Variants in FAM117B observed in about 807,000 individuals in gnomAD.
FAM117B encodes protein FAM117B.
A neutral mutation model predicts 52.8 loss-of-function variants in FAM117B; 22 were observed. The observed-to-expected ratio is 0.42, with a 90% CI of 0.30 to 0.59. The LOEUF is 0.59. Ranked by LOEUF, FAM117B falls within the 20% of genes least tolerant of loss-of-function variation. The pLI is 0.22. For synonymous variants in FAM117B, 309 were observed against 324.1 expected (o/e 0.95, Z 0.50); for missense variants, 678 against 802.6 (o/e 0.84, Z 1.88).
At chr2:202,738,766 A>G (rs1050803166) in intron 4 of FAM117B, among the ~76,000 whole-genome samples, 3 of 152,214 alleles carry the variant, frequency 2.0e-5, no homozygotes, top group Non-Finnish European at 4.4e-5. Flanking sequence ...CTATTTTTAT[A>G]GAGAGAGCTT....
chr2:202,743,394 G>T (rs1691579455), intron 4 of FAM117B, among the ~76,000 whole-genome samples: 1 of 151,984 alleles, frequency 6.6e-6, no homozygotes, highest in Non-Finnish European at 1.5e-5. Context: ...TAGGAAAAAG[G>T]CTTTCCCTAT....
intron 2 of FAM117B, among the ~76,000 whole-genome samples, chr2:202,715,146 C>T (rs1358733074): frequency 1.3e-5 from 2 of 150,090 alleles, no homozygotes; most frequent in African/African-American, 4.9e-5. Flanking sequence ...GACGGGGCGG[C>T]TGGCCGGGCA....
intron 4 of FAM117B, among the ~76,000 whole-genome samples, chr2:202,731,755 G>A (rs1247836128): frequency 1.4e-5 from 2 of 145,496 alleles, no homozygotes; most frequent in African/African-American, 2.6e-5. Context: ...GTTTGTTTGC[G>A]ACGGAGTTTC....
At chr2:202,761,926 G>T (rs1691896927) in intron 7 of FAM117B, among the ~76,000 whole-genome samples, 1 of 151,758 alleles carries the variant, frequency 6.6e-6, no homozygotes, top group South Asian at 2.1e-4. Context: ...CTGGTAGAAA[G>T]ACTGTGTAAC....
chr2:202,696,071 C>G (rs1370343851), intron 2 of FAM117B, 39 bp downstream of exon 2: 5 of 1,590,684 alleles, frequency 3.1e-6, no homozygotes, highest in Non-Finnish European at 4.3e-6. Context: ...GTGTTTTTCT[C>G]TGAAGCTACT....
At chr2:202,731,332 A>ATATATATAT in intron 4 of FAM117B, among the ~76,000 whole-genome samples, 1 of 30,740 alleles carries the variant, frequency 3.3e-5, no homozygotes, top group Non-Finnish European at 1.0e-4. Context: ...GAGAAATTGG[A>ATATATATAT]ATATATATAT....
At chr2:202,644,466 T>G (rs1689831508) in intron 1 of FAM117B, among the ~76,000 whole-genome samples, 1 of 152,212 alleles carries the variant, frequency 6.6e-6, no homozygotes, top group Non-Finnish European at 1.5e-5. Flanking sequence ...TCCCTCATCC[T>G]CATATTCCAA....
chr2:202,754,976 G>T (rs968165314), intron 4 of FAM117B, among the ~76,000 whole-genome samples: 2 of 151,310 alleles, frequency 1.3e-5, no homozygotes, highest in Non-Finnish European at 2.9e-5. Flanking sequence ...CTTGGTGTCC[G>T]GGGAGGCCTC....
chr2:202,714,536 T>TC (rs1296178451), intron 2 of FAM117B, among the ~76,000 whole-genome samples: 31 of 145,706 alleles, frequency 2.1e-4, no homozygotes, highest in Non-Finnish European at 3.7e-4. Context: ...TTTTTTTCTT[T>TC]TTTTTTTTTT....
At chr2:202,744,857 A>G (rs1407883072) in intron 4 of FAM117B, among the ~76,000 whole-genome samples, 1 of 151,068 alleles carries the variant, frequency 6.6e-6, no homozygotes, top group Non-Finnish European at 1.5e-5. Flanking sequence ...GGTTCCTGTA[A>G]TCCCAGCTAC....
intron 4 of FAM117B, 25 bp from the exon 5 acceptor site, chr2:202,755,513 C>G: frequency 6.2e-7 from 1 of 1,611,304 alleles, no homozygotes; most frequent in East Asian, 2.2e-5. Flanking sequence ...TGTTAAGCCT[C>G]TCTTCTCCAT....
chr2:202,697,350 A>T (rs192019618), intron 2 of FAM117B, among the ~76,000 whole-genome samples: 2 of 152,314 alleles, frequency 1.3e-5, no homozygotes, highest in East Asian at 3.9e-4. Context: ...TGCAGAATAA[A>T]TGGCCCAAGG....
chr2:202,661,101 GA>G, intron 1 of FAM117B, among the ~76,000 whole-genome samples: 1 of 152,308 alleles, frequency 6.6e-6, no homozygotes, highest in Middle Eastern at 3.4e-3. Context: ...ATGGGAGGGG[GA>G]AAAACTCAGT....
rs1295120997 is a variant in FAM117B, at chr2:202,759,331, G to C, written c.1429G>C (p.Val477Leu). The C allele has an allele frequency of 1.2e-6, 2 of 1,613,604 alleles. No homozygotes were observed. The highest frequency in any genetic ancestry group is 3.3e-5 in the Admixed American group (2 of 59,934). ...KREPPEGCERVKVFEECSPKQ... is the reference protein window; with the variant it reads ...KREPPEGCERLKVFEECSPKQ... ...GGAACCTCCTGAGGGCTGTGAAAGG[G>C]TCAAAGTCTTTGAGGAATGCTCGTA... Residue 477 changes from valine to leucine, a missense_variant, in exon 7 of 8, where the codon GTC (valine) becomes CTC (leucine). By Grantham distance (32) the Val-to-Leu change is conservative. This residue lies in a region of FAM117B where 27 missense variants were observed against 77.3 expected (regional missense o/e 0.35). Transcript: ENST00000392238.
Position 202,692,119 on chromosome 2 carries a change from T to TA in FAM117B, c.602-3761dup, listed in dbSNP as rs772996248. ...GCACCTGAACTTTTGTACTTGTAGC[T>TA]ATGCAAGACCCTTACCAAGATAATA... On this transcript the variant is annotated intron_variant, in intron 1 of 7. Transcript: ENST00000392238. 5.3e-5 allele frequency among the ~76,000 whole-genome samples: 8 copies of TA among 152,320 alleles called. No homozygotes were observed. The East Asian group carries it at 1.5e-3, about 29-fold the overall frequency.
chr2:202,750,180 T>A (rs1484615764), intron 4 of FAM117B, among the ~76,000 whole-genome samples: 1 of 152,174 alleles, frequency 6.6e-6, no homozygotes, highest in African/African-American at 2.4e-5. Flanking sequence ...TGGTGTCCTC[T>A]TGGACCGGGG....
intron 4 of FAM117B, among the ~76,000 whole-genome samples, chr2:202,754,958 G>A (rs1009208393): frequency 6.6e-6 from 1 of 151,420 alleles, no homozygotes; most frequent in Non-Finnish European, 1.5e-5. Flanking sequence ...GCATGACGCT[G>A]GCATTTACTT....
intron 1 of FAM117B, among the ~76,000 whole-genome samples, chr2:202,651,891 T>C (rs375712946): frequency 1.3e-4 from 20 of 151,834 alleles, no homozygotes; most frequent in East Asian, 7.8e-4. Flanking sequence ...CTGTCTCTAC[T>C]ACAAATACAA....
chr2:202,707,851 C>CTCCG lies in FAM117B; in HGVS notation c.753+11820_753+11823dup, dbSNP rs549154971. Among the ~76,000 whole-genome samples, 72 of 151,938 alleles carry CTCCG rather than the reference C, an allele frequency of 4.7e-4. 1 individual carries two copies. The South Asian group carries it at 0.015, about 31-fold the overall frequency. ...CAGTGCAATCTTGGCTCACTGCAGC[C>CTCCG]TCCGCCTCCCAGGTTCAAGCAATCT... On this transcript the variant is annotated intron_variant, in intron 2 of 7. Coordinates refer to ENST00000392238, the MANE Select transcript of FAM117B (RefSeq NM_173511.4).
Sources: gnomAD v4.1 joint callset for allele counts (sites outside exome capture counted in the v4.1 genomes callset) on GRCh38, gnomAD v4.1.1 for gene constraint, gnomAD v4.1.1 regional missense constraint, MANE v1.5 for transcripts, NCBI Gene and HGNC (gene_info 2026-07-23, HGNC 2026-07-21) for gene names.